FRY: variants seen among roughly 807,000 people sequenced by gnomAD.
The protein encoded by FRY is protein furry homolog.
A neutral mutation model predicts 348.4 loss-of-function variants in FRY; 128 were observed. That is an observed-to-expected ratio of 0.37 (90% CI 0.32 to 0.43). The LOEUF (loss-of-function observed/expected upper bound fraction) is 0.43. FRY is among the 20% of genes least tolerant of loss of function. FRY has a pLI of 1.00. For missense variants in FRY, 2,736 were observed against 3,695.2 expected, an observed-to-expected ratio of 0.74 and a Z score of 6.73; for synonymous variants, 1,370 against 1,374.7, an observed-to-expected ratio of 1.00 and a Z score of 0.08.
chr13:32,101,619 T>G lies in FRY; in HGVS notation c.271-344T>G, dbSNP rs906118888. ...CAAGAGTTCTCTTTTCTCTACATGT[T>G]TGCCAACATTTATTATCTTTTGTCT... On this transcript the variant is annotated intron_variant, in intron 2 of 60. Coordinates refer to ENST00000542859, the MANE Select transcript of FRY (RefSeq NM_023037.3). Among the ~76,000 whole-genome samples, 13 of 152,362 alleles carry G rather than the reference T, an allele frequency of 8.5e-5. No homozygotes were observed. In the East Asian group the frequency reaches 2.1e-3, roughly 25 times the overall value.
intron 7 of FRY, among the ~76,000 whole-genome samples, chr13:32,126,080 C>T (rs995102256): frequency 7.9e-5 from 12 of 152,120 alleles, no homozygotes; most frequent in African/African-American, 2.7e-4. Context: ...GGAGATATTT[C>T]CATTGCAATT....
chr13:32,283,370 T>C (rs1337641332), intron 58 of FRY, among the ~76,000 whole-genome samples: 1 of 152,206 alleles, frequency 6.6e-6, no homozygotes, highest in East Asian at 1.9e-4. Flanking sequence ...GCACCAGTCA[T>C]CATGATGTTT....
chr13:32,285,129 A>G (rs1012521026), intron 58 of FRY, among the ~76,000 whole-genome samples: 1 of 152,218 alleles, frequency 6.6e-6, no homozygotes, highest in African/African-American at 2.4e-5. Flanking sequence ...TAAATAAAAC[A>G]AGGACATTCC....
At chr13:32,093,499 C>T (rs7992602) in intron 2 of FRY, among the ~76,000 whole-genome samples, 87,676 of 151,972 alleles carry the variant, frequency 0.58, 26,462 homozygotes, top group African/African-American at 0.75. Context: ...TTTGGCGTAA[C>T]GTAATATATT....
At chr13:32,137,079 G>T (rs368558328) in intron 11 of FRY, 107 bp downstream of exon 11, 9 of 747,924 alleles carry the variant, frequency 1.2e-5, no homozygotes, top group South Asian at 1.1e-4. Flanking sequence ...CAGGGGAATT[G>T]TCCTATACTG....
intron 41 of FRY, 132 bp from the exon 42 acceptor site, chr13:32,234,442 G>T: frequency 1.2e-6 from 1 of 800,592 alleles, no homozygotes; most frequent in Non-Finnish European, 2.2e-6. Context: ...AAAAAAAAAT[G>T]GTTGACTTGT....
chr13:32,234,938 C>T (rs760663510), intron 42 of FRY, among the ~76,000 whole-genome samples, 177 bp downstream of exon 42: 1 of 152,156 alleles, frequency 6.6e-6, no homozygotes, highest in Non-Finnish European at 1.5e-5. Flanking sequence ...TTCCAAGGAG[C>T]CTTGTTCTAG....
At chr13:32,242,826 C>T (rs1014380683) in intron 46 of FRY, among the ~76,000 whole-genome samples, 5 of 152,178 alleles carry the variant, frequency 3.3e-5, no homozygotes, top group African/African-American at 7.2e-5. Context: ...TGAGCCACCG[C>T]GCCCTGCTCT....
chr13:32,145,861 T>G (rs1173416142), intron 11 of FRY, among the ~76,000 whole-genome samples: 1 of 152,124 alleles, frequency 6.6e-6, no homozygotes, highest in Admixed American at 6.5e-5. Context: ...GATTTGTTAA[T>G]GCCTGGGTGC....
At chr13:32,066,706 C>T (rs1874279725) in intron 1 of FRY, among the ~76,000 whole-genome samples, 1 of 152,134 alleles carries the variant, frequency 6.6e-6, no homozygotes, top group African/African-American at 2.4e-5. Context: ...TTCCAAGCAG[C>T]CGCTTTTTCT....
intron 51 of FRY, among the ~76,000 whole-genome samples, chr13:32,260,039 G>A (rs922078382): frequency 6.6e-6 from 1 of 152,248 alleles, no homozygotes; most frequent in South Asian, 2.1e-4. Context: ...ATTTGTGCCT[G>A]TTGCCTTCTA....
intron 55 of FRY, among the ~76,000 whole-genome samples, chr13:32,272,526 C>T (rs187645940): frequency 1.3e-5 from 2 of 152,226 alleles, no homozygotes; most frequent in Admixed American, 1.3e-4. Flanking sequence ...GGTATGGTGG[C>T]ACACGCCTGT....
At chr13:32,166,689 G>T (rs190659162) in intron 17 of FRY, among the ~76,000 whole-genome samples, 1 of 152,180 alleles carries the variant, frequency 6.6e-6, no homozygotes, top group African/African-American at 2.4e-5. Flanking sequence ...TATGCTTCGA[G>T]GGACAGACAC....
chr13:32,032,404 G>C (rs1256967406), intron 1 of FRY, among the ~76,000 whole-genome samples: 4 of 152,186 alleles, frequency 2.6e-5, no homozygotes, highest in Non-Finnish European at 5.9e-5. Context: ...GGCATCTGCA[G>C]ATTTATTTCA....
At chr13:32,114,493 T>C (rs1295506254) in intron 3 of FRY, among the ~76,000 whole-genome samples, 3 of 152,228 alleles carry the variant, frequency 2.0e-5, no homozygotes, top group African/African-American at 4.8e-5. Flanking sequence ...GCTTTATTTG[T>C]ATTTCCTTTC....
At chr13:32,275,994 C>CTTGG (rs1377836561) in intron 56 of FRY, among the ~76,000 whole-genome samples, 2 of 151,910 alleles carry the variant, frequency 1.3e-5, no homozygotes, top group African/African-American at 4.8e-5. Context: ...GAGTCAAGTC[C>CTTGG]TTCCAAGAAT....
At chr13:32,253,934 CACACACACACAT>C (rs1288103646) in intron 50 of FRY, among the ~76,000 whole-genome samples, 1 of 143,576 alleles carries the variant, frequency 7.0e-6, no homozygotes, top group African/African-American at 2.6e-5. Flanking sequence ...CCAGTTTACA[CACACACACACAT>C]ACACACACAC....
chr13:32,263,266 C>G (rs758403671), intron 53 of FRY, among the ~76,000 whole-genome samples: 1 of 151,942 alleles, frequency 6.6e-6, no homozygotes, highest in Admixed American at 6.5e-5. Flanking sequence ...AAAATAAAAT[C>G]GAAAAAATTT....
intron 1 of FRY, among the ~76,000 whole-genome samples, chr13:32,061,819 A>G (rs1011110287): frequency 5.8e-4 from 88 of 152,196 alleles, no homozygotes; most frequent in African/African-American, 2.1e-3. Flanking sequence ...CTAACATAAC[A>G]TTTTAAGCAA....
Sources: gnomAD v4.1 joint callset for allele counts (sites outside exome capture counted in the v4.1 genomes callset) on GRCh38, gnomAD v4.1.1 for gene constraint, MANE v1.5 for transcripts, NCBI Gene and HGNC (gene_info 2026-07-23, HGNC 2026-07-21) for gene names.